Variants in C16orf46 observed in about 807,000 individuals in gnomAD.
The protein encoded by C16orf46 is uncharacterized protein C16orf46.
Under a neutral mutation model 5.5 loss-of-function variants are expected in C16orf46, and 7 were observed. The ratio of observed to expected loss-of-function variants is 1.28; its 90% CI spans 0.73 to 2.40. The LOEUF is 2.40. Among genes scored for constraint, C16orf46 ranks in the 30% most tolerant of loss-of-function variants. The probability of loss-of-function intolerance (pLI) is 0.00; values close to 1 mark genes in which losing one functional copy is unlikely to be tolerated. For missense variants in C16orf46, 614 were observed against 476.0 expected, an observed-to-expected ratio of 1.29 and a Z score of -2.70; for synonymous variants, 200 against 184.1, an observed-to-expected ratio of 1.09 and a Z score of -0.70.
At chr16:81,073,705 G>A (rs989607257) in intron 1 of C16orf46, among the ~76,000 whole-genome samples, 1 of 152,172 alleles carries the variant, frequency 6.6e-6, no homozygotes, top group African/African-American at 2.4e-5. Flanking sequence ...GAGATACAAA[G>A]CACAAGAGGA....
intron 1 of C16orf46, chr16:81,072,211 C>T (rs573722151): frequency 1.3e-5 from 2 of 151,974 alleles, no homozygotes; most frequent in African/African-American, 2.4e-5. Flanking sequence ...CTTGTTGCTA[C>T]ACCAGTCTGT....
At chr16:81,065,817 ATTTTGTTTTG>A (rs67787866) in intron 2 of C16orf46, among the ~76,000 whole-genome samples, 4,207 of 149,752 alleles carry the variant, frequency 0.028, 112 homozygotes, top group African/African-American at 0.067. Flanking sequence ...TAGTTTTTTT[ATTTTGTTTTG>A]TTTTGTTTTG....
intron 3 of C16orf46, among the ~76,000 whole-genome samples, chr16:81,054,281 C>CA (rs997311393): frequency 5.4e-5 from 4 of 73,470 alleles, no homozygotes; most frequent in Admixed American, 1.2e-4. Flanking sequence ...ACAACAACAA[C>CA]AAAAAAAAAC....
rs33943128 is a variant in C16orf46, at chr16:81,068,565, ATT to A, written c.-127-2286_-127-2285del. On this transcript the variant is annotated intron_variant, in intron 1 of 3. Transcript: ENST00000299578. ...AGAAAGGGCCTTTGTATTTCTTTGTATTTTTTTTTTTTTTTTTTGAGATGGGG... is the reference window on the plus strand; with the variant it reads ...AGAAAGGGCCTTTGTATTTCTTTGTATTTTTTTTTTTTTTTTGAGATGGGG... Among the ~76,000 whole-genome samples, 645 of 131,328 alleles carry A rather than the reference ATT, an allele frequency of 4.9e-3. 5 individuals are homozygous for A. Among genetic ancestry groups the A allele is most frequent in the African/African-American group, 0.017 (616 of 35,408 alleles). The allele number at this position is 131,328 out of a possible 152,430, so 86.2% of individuals were successfully genotyped here.
At chr16:81,066,382 C>G (rs1971655439) in intron 1 of C16orf46, 101 bp from the exon 2 acceptor site, 1 of 152,160 alleles carries the variant, frequency 6.6e-6, no homozygotes. Flanking sequence ...CTCCGTCGCC[C>G]AGGCTGGAGT....
chr16:81,073,815 G>T (rs1298800406), intron 1 of C16orf46, among the ~76,000 whole-genome samples: 2 of 152,290 alleles, frequency 1.3e-5, no homozygotes, highest in Non-Finnish European at 2.9e-5. Flanking sequence ...TTACAGTGAG[G>T]AATTAAACAG....
chr16:81,054,113 T>C, intron 3 of C16orf46: 1 of 1,610,470 alleles, frequency 6.2e-7, no homozygotes, highest in Non-Finnish European at 8.5e-7. Flanking sequence ...AGAAATTTAA[T>C]GACTTCAGAA....
Position 81,066,273 on chromosome 16 carries a change from G to T in C16orf46, c.-119C>A, listed in dbSNP as rs1971652194. 1 of 151,800 alleles carries T rather than the reference G, an allele frequency of 6.6e-6. No homozygotes were observed. The highest frequency in any genetic ancestry group is 1.5e-5 in the Non-Finnish European group (1 of 67,980). The allele number at this position is 151,800 out of a possible 1,614,324, so 9.4% of individuals were successfully genotyped here. A position where few individuals can be genotyped will look rare whatever the true frequency, so the allele number is the denominator to read the frequency against. ...CTCCGCTACTAAAAGAGAATATTGG[G>T]GTCTTTTCCTAATTAAAAAGAAATT... On this transcript the variant is annotated 5_prime_UTR_variant, in exon 2 of 4. Coordinates refer to ENST00000299578, the MANE Select transcript of C16orf46 (RefSeq NM_152337.3).
intron 3 of C16orf46, chr16:81,054,099 A>T: frequency 6.2e-7 from 1 of 1,612,430 alleles, no homozygotes; most frequent in South Asian, 1.1e-5. Context: ...CCTGTGCTGT[A>T]ACGAGAAATT....
In C16orf46 at chr16:81,061,639, T is replaced by G; in HGVS notation, c.710A>C (p.Glu237Ala). The change falls in exon 4 of 4, where the codon GAA (glutamate) becomes GCA (alanine). Residue 237 changes from glutamate (E) to alanine (A), a missense_variant. By Grantham distance (107) the Glu-to-Ala change is moderately radical. Coordinates refer to ENST00000299578, the MANE Select transcript of C16orf46 (RefSeq NM_152337.3). ...CTTTTCCACATCCAGCACCTTCTCT[T>G]CTGACTGCAAGAAAGAGTTCTTACT... is the stretch of plus-strand genomic sequence containing the variant. ...KKSKNSFLQSEEKVLDVEKDG... is the reference protein window; with the variant it reads ...KKSKNSFLQSAEKVLDVEKDG... The G allele has an allele frequency of 6.2e-7, 1 of 1,614,194 alleles. No individual in the cohort carries two copies. The highest frequency in any genetic ancestry group is 8.5e-7 in the Non-Finnish European group (1 of 1,180,038).
chr16:81,063,284 G>A (rs1971548272), intron 3 of C16orf46, among the ~76,000 whole-genome samples: 1 of 150,100 alleles, frequency 6.7e-6, no homozygotes, highest in South Asian at 2.1e-4. Flanking sequence ...AGAGTTCTGA[G>A]TAGAGCCATT....
intron 1 of C16orf46, among the ~76,000 whole-genome samples, chr16:81,073,209 G>A (rs1472895234): frequency 6.6e-6 from 1 of 152,174 alleles, no homozygotes; most frequent in African/African-American, 2.4e-5. Flanking sequence ...ATTACCCTGT[G>A]TAAAGCCAGA....
downstream of C16orf46, chr16:81,060,261 A>T (rs1971424367): frequency 6.6e-6 from 1 of 152,222 alleles, no homozygotes; most frequent in South Asian, 2.1e-4. Context: ...GACACCCTGG[A>T]CGCACAGGGT....
In C16orf46 at chr16:81,061,131, G is replaced by A. The variant is rs1222493849; in HGVS notation, c.*30C>T. The stretch of plus-strand genomic sequence containing the variant: ...AAAGGATGGCTGCATCTCAAACGGT[G>A]CTTATTCCCAGGGGTTCTACCGCAA... On this transcript the variant is annotated 3_prime_UTR_variant, in exon 4 of 4. Transcript: ENST00000299578. The A allele has an allele frequency of 6.4e-7, 1 of 1,551,748 alleles. No individual in the cohort carries two copies. The highest frequency in any genetic ancestry group is 2.0e-5 in the Admixed American group (1 of 50,094).
At chr16:81,054,233 G>T in intron 3 of C16orf46, 1 of 523,912 alleles carries the variant, frequency 1.9e-6, no homozygotes, top group Non-Finnish European at 3.3e-6. Flanking sequence ...TTCCTTGGTA[G>T]ATGAAACTAG....
At chr16:81,076,138 C>T (rs779962466) in intron 1 of C16orf46, among the ~76,000 whole-genome samples, 6 of 152,120 alleles carry the variant, frequency 3.9e-5, no homozygotes, top group African/African-American at 9.7e-5. Flanking sequence ...ATATTGTTAG[C>T]CATGGCAGAA....
chr16:81,066,030 C>T (rs374508551), intron 2 of C16orf46, among the ~76,000 whole-genome samples, 163 bp downstream of exon 2: 1 of 151,806 alleles, frequency 6.6e-6, no homozygotes, highest in Non-Finnish European at 1.5e-5. Context: ...GGATTACGGG[C>T]GTGAGTCACC....
Position 81,061,127 on chromosome 16 carries a change from C to T in C16orf46, c.*34G>A, listed in dbSNP as rs144699887. 482 of 1,540,180 alleles carry T rather than the reference C, an allele frequency of 3.1e-4. 1 individual carries two copies. In the African/African-American group the frequency reaches 5.9e-3, roughly 19 times the overall value. ...AGAGAAAGGATGGCTGCATCTCAAA[C>T]GGTGCTTATTCCCAGGGGTTCTACC... On this transcript the variant is annotated 3_prime_UTR_variant, in exon 4 of 4. Transcript: ENST00000299578.
downstream of C16orf46, chr16:81,060,298 C>G (rs1971425519): frequency 6.6e-6 from 1 of 152,524 alleles, no homozygotes; most frequent in Non-Finnish European, 1.5e-5. Flanking sequence ...GTCCTGGACA[C>G]AAGCTGGAGT....
Sources: allele counts gnomAD v4.1 joint callset (sites outside exome capture counted in the v4.1 genomes callset), GRCh38; gene constraint gnomAD v4.1.1; transcripts MANE v1.5; gene names NCBI Gene and HGNC (gene_info 2026-07-23, HGNC 2026-07-21).